VPS13B: variants seen among roughly 807,000 people sequenced by gnomAD.
VPS13B encodes the protein vacuolar protein sorting 13 homolog B, also known as intermembrane lipid transfer protein VPS13B.
VPS13B carries 285 observed loss-of-function variants against 426.4 expected under a neutral mutation model. The ratio of observed to expected loss-of-function variants is 0.67; its 90% CI spans 0.61 to 0.74. VPS13B has a LOEUF of 0.74. VPS13B is among the 30% of genes least tolerant of loss of function. The pLI is 0.00. For synonymous variants in VPS13B, 1,676 were observed against 1,676.4 expected (o/e 1.00, Z 0.01); for missense variants, 4,537 against 4,782.6 (o/e 0.95, Z 1.51).
intron 24 of VPS13B, among the ~76,000 whole-genome samples, chr8:99,481,292 C>G (rs189963294): frequency 2.6e-5 from 4 of 152,108 alleles, no homozygotes; most frequent in Non-Finnish European, 2.9e-5. Context: ...TGATTCTGTC[C>G]TCTGGTTGAG....
intron 19 of VPS13B, among the ~76,000 whole-genome samples, chr8:99,293,806 C>T (rs1001498499): frequency 6.6e-6 from 1 of 151,464 alleles, no homozygotes; most frequent in South Asian, 2.1e-4. Context: ...CCATCACTGG[C>T]CATCAGAGAA....
chr8:99,193,017 A>G lies in VPS13B; in HGVS notation c.2475A>G (p.Ala825=), dbSNP rs1334203745. The G allele has an allele frequency of 6.2e-7, 1 of 1,613,766 alleles. No individual in the cohort carries two copies. The highest frequency in any genetic ancestry group is 8.5e-7 in the Non-Finnish European group (1 of 1,179,838). The change falls in exon 17 of 62, where the codon GCA becomes GCG. Residue 825 remains alanine (A), a synonymous_variant. Coordinates refer to ENST00000357162, the MANE Select transcript of VPS13B (RefSeq NM_152564.5). ...WSHLGNVSSS[A]VIEALINEIF... is the part of the protein sequence containing the mutation. ...ATCTTGGAAATGTCAGCTCTTCCGC[A>G]GTGATTGAAGCTTTGATAAATGAAA... is the stretch of plus-strand genomic sequence containing the variant.
intron 39 of VPS13B, among the ~76,000 whole-genome samples, chr8:99,748,440 A>G (rs909924165): frequency 1.3e-5 from 2 of 152,040 alleles, no homozygotes; most frequent in African/African-American, 4.8e-5. Flanking sequence ...AAACAACTAA[A>G]TGAACAGATG....
At chr8:99,512,444 G>A (rs950287654) in intron 29 of VPS13B, among the ~76,000 whole-genome samples, 5 of 152,162 alleles carry the variant, frequency 3.3e-5, no homozygotes, top group African/African-American at 1.2e-4. Flanking sequence ...TTTAGAGAAT[G>A]TAATTTACAT....
chr8:99,191,334 G>A (rs968060893), intron 16 of VPS13B, among the ~76,000 whole-genome samples: 1 of 143,618 alleles, frequency 7.0e-6, no homozygotes, highest in African/African-American at 2.6e-5. Context: ...AGTGTCCCAC[G>A]TCCCATTAAA....
intron 17 of VPS13B, among the ~76,000 whole-genome samples, chr8:99,248,960 G>C (rs999943284): frequency 2.0e-5 from 3 of 152,020 alleles, no homozygotes; most frequent in African/African-American, 7.2e-5. Flanking sequence ...TCACAATGTT[G>C]TGCAACTACC....
intron 33 of VPS13B, among the ~76,000 whole-genome samples, chr8:99,601,094 C>T (rs1827276950): frequency 6.6e-6 from 1 of 151,998 alleles, no homozygotes; most frequent in African/African-American, 2.4e-5. Context: ...TGGTTTGCTG[C>T]ACCCATCAAC....
At chr8:99,424,310 A>G (rs1212521670) in intron 21 of VPS13B, 1 of 151,770 alleles carries the variant, frequency 6.6e-6, no homozygotes, top group African/African-American at 2.4e-5. Flanking sequence ...ATGTCTCTGC[A>G]CGTGAGATGG....
intron 31 of VPS13B, among the ~76,000 whole-genome samples, chr8:99,570,218 T>C (rs1442106038): frequency 6.6e-6 from 1 of 152,208 alleles, no homozygotes; most frequent in Non-Finnish European, 1.5e-5. Flanking sequence ...GCTTCCTGAG[T>C]CTATGAATTC....
intron 19 of VPS13B, among the ~76,000 whole-genome samples, chr8:99,350,364 G>A (rs1811811620): frequency 6.6e-6 from 1 of 152,222 alleles, no homozygotes; most frequent in African/African-American, 2.4e-5. Flanking sequence ...GGATCAGAAT[G>A]TGTTTTGCGA....
At chr8:99,315,266 C>T (rs544455534) in intron 19 of VPS13B, among the ~76,000 whole-genome samples, 3 of 151,704 alleles carry the variant, frequency 2.0e-5, no homozygotes, top group Non-Finnish European at 4.4e-5. Flanking sequence ...ACTGAAAATG[C>T]AAATATCTGG....
In VPS13B at chr8:99,135,003, T is replaced by G. The variant is rs776676353; in HGVS notation, c.1303-12T>G. 10 of 1,613,276 alleles carry G rather than the reference T, an allele frequency of 6.2e-6. No individual in the cohort carries two copies. In the African/African-American group the frequency reaches 1.2e-4, roughly 19 times the overall value. The stretch of plus-strand genomic sequence containing the variant: ...TCAATTCTTAGTTCTAATGTTTCCT[T>G]TCGTCTTATAGGCCCTTATGATGGG... On this transcript the variant is annotated splice_polypyrimidine_tract_variant and intron_variant, in intron 9 of 61. Transcript: ENST00000357162.
intron 49 of VPS13B, among the ~76,000 whole-genome samples, chr8:99,820,738 T>C (rs1374094426): frequency 6.6e-6 from 1 of 152,132 alleles, no homozygotes. Context: ...CACAAATCTA[T>C]TTAAAAAATA....
intron 33 of VPS13B, among the ~76,000 whole-genome samples, chr8:99,604,432 T>C (rs1375684065): frequency 1.3e-5 from 2 of 151,994 alleles, no homozygotes; most frequent in Admixed American, 1.3e-4. Flanking sequence ...GATACCACAT[T>C]ACGTTTGGTT....
At chr8:99,069,937 C>T (rs1386534568) in intron 3 of VPS13B, among the ~76,000 whole-genome samples, 1 of 152,110 alleles carries the variant, frequency 6.6e-6, no homozygotes, top group Non-Finnish European at 1.5e-5. Context: ...AGATCTTGCT[C>T]TGTCCACTCA....
chr8:99,051,145 A>G (rs1474837432), intron 3 of VPS13B, among the ~76,000 whole-genome samples: 1 of 152,136 alleles, frequency 6.6e-6, no homozygotes, highest in Non-Finnish European at 1.5e-5. Context: ...GTTTTCTTCT[A>G]GGGTTTTTAT....
intron 21 of VPS13B, among the ~76,000 whole-genome samples, chr8:99,425,153 C>T (rs1442756968): frequency 6.6e-6 from 1 of 152,172 alleles, no homozygotes; most frequent in African/African-American, 2.4e-5. Context: ...TGAGCTGGTA[C>T]CATTCCTTCT....
At chr8:99,091,132 G>A (rs1310179708) in intron 3 of VPS13B, among the ~76,000 whole-genome samples, 2 of 152,172 alleles carry the variant, frequency 1.3e-5, no homozygotes, top group African/African-American at 2.4e-5. Flanking sequence ...TGGGTCGGGG[G>A]CTATGTGGGT....
chr8:99,027,735 AT>A (rs964533020), intron 2 of VPS13B, among the ~76,000 whole-genome samples: 73 of 150,298 alleles, frequency 4.9e-4, no homozygotes, highest in African/African-American at 1.5e-3. Context: ...TTATTTTTTT[AT>A]TTTTTTATTT....
Sources: gnomAD v4.1 joint callset for allele counts (sites outside exome capture counted in the v4.1 genomes callset) on GRCh38, gnomAD v4.1.1 for gene constraint, MANE v1.5 for transcripts, NCBI Gene and HGNC (gene_info 2026-07-23, HGNC 2026-07-21) for gene names.